The following RGMA variants were observed in gnomAD, a reference collection of about 807,000 sequenced individuals.
RGMA encodes repulsive guidance molecule BMP co-receptor a.
RGMA carries 10 observed loss-of-function variants against 23.2 expected under a neutral mutation model. The ratio of observed to expected loss-of-function variants is 0.43; its 90% CI spans 0.27 to 0.73. The LOEUF is 0.73. Among genes scored for constraint, RGMA ranks in the 30% least tolerant of loss-of-function variants. RGMA has a pLI of 0.20. For synonymous variants in RGMA, 308 were observed against 279.3 expected (o/e 1.10, Z -1.03); for missense variants, 547 against 630.5 (o/e 0.87, Z 1.42).
At chr15:93,046,315 G>GCC (rs1167587612) in intron 3 of RGMA, among the ~76,000 whole-genome samples, 17 of 152,164 alleles carry the variant, frequency 1.1e-4, no homozygotes, top group African/African-American at 4.1e-4. Context: ...CAAACCAAGG[G>GCC]ATGCTGGCAA....
At chr15:93,087,474 A>AAAAC (rs1555451816) in intron 1 of RGMA, among the ~76,000 whole-genome samples, 1 of 150,320 alleles carries the variant, frequency 6.7e-6, no homozygotes, top group Non-Finnish European at 1.5e-5. Flanking sequence ...CAAAAAAAAA[A>AAAAC]AAAAAAAAAA....
intron 1 of RGMA, among the ~76,000 whole-genome samples, chr15:93,086,865 G>A (rs1895641474): frequency 6.6e-6 from 1 of 152,186 alleles, no homozygotes; most frequent in South Asian, 2.1e-4. Context: ...CTTGGAGGAG[G>A]TTTGTAAAAA....
chr15:93,063,283 T>C (rs1895030409), intron 2 of RGMA, among the ~76,000 whole-genome samples: 1 of 152,284 alleles, frequency 6.6e-6, no homozygotes, highest in Non-Finnish European at 1.5e-5. Flanking sequence ...ACATGGTATG[T>C]CCCCCGTTCA....
Position 93,052,104 on chromosome 15 carries a change from G to C in RGMA, c.534C>G (p.Phe178Leu). 6.2e-7 allele frequency: 1 copy of C among 1,613,832 alleles called. No homozygotes were observed. The highest frequency in any genetic ancestry group is 8.5e-7 in the Non-Finnish European group (1 of 1,179,844). Residue 178 changes from phenylalanine to leucine, a missense_variant, in exon 3 of 4, where the codon TTC (phenylalanine) becomes TTG (leucine). By Grantham distance (22) the Phe-to-Leu change is conservative. This residue lies in a region of RGMA where 128 missense variants were observed against 191.7 expected (regional missense o/e 0.67). Transcript: ENST00000329082. ...DPHLRTFTDR[F>L]QTCKVQGAWP... is the part of the protein sequence containing the mutation. ...AGGCGCCCTGCACCTTGCAGGTCTG[G>C]AAGCGGTCGGTGAAAGTCCTGAGGT...
At position 93,045,353 on chromosome 15, in the gene RGMA, T is replaced by C. The variant is rs757439339; in HGVS notation, c.998A>G (p.Asn333Ser). 6 of 1,611,356 alleles carry C rather than the reference T, an allele frequency of 3.7e-6. No homozygotes were observed. The East Asian group carries it at 1.3e-4, about 36-fold the overall frequency. Reference protein sequence around the residue: ...QQIDFQAFHTNAEGTGARRLA... With the variant: ...QQIDFQAFHTSAEGTGARRLA... ...CCTGCGGGCACCGGTGCCCTCAGCA[T>C]TGGTGTGGAAGGCCTGGAAGTCGAT... is the stretch of plus-strand genomic sequence containing the variant. Residue 333 changes from asparagine to serine, a missense_variant, in exon 4 of 4, where the codon AAT (asparagine) becomes AGT (serine). Coordinates refer to ENST00000329082, the MANE Select transcript of RGMA (RefSeq NM_020211.3). This position sits in a 1 kb window ranked among gnomAD's most constrained non-coding sequence, Gnocchi z 6.9.
At position 93,036,964 on chromosome 15, in the gene RGMA, C is replaced by T. The variant is rs1202262794; in HGVS notation, c.*8034G>A. 1 of 152,186 alleles carries T rather than the reference C, an allele frequency of 6.6e-6. No homozygotes were observed. Among genetic ancestry groups the T allele is most frequent in the Non-Finnish European group, 1.5e-5 (1 of 68,050 alleles). 9.4% of individuals were successfully genotyped at this position (152,186 alleles called of 1,614,324 possible). On this transcript the variant is annotated 3_prime_UTR_variant, in exon 4 of 4. Coordinates refer to ENST00000329082, the MANE Select transcript of RGMA (RefSeq NM_020211.3). ...TTCCCAAGGAGGTAGACGTGGTGTCCAGAGGACGACAAAGATGGCAGCTCA... is the reference window on the plus strand; with the variant it reads ...TTCCCAAGGAGGTAGACGTGGTGTCTAGAGGACGACAAAGATGGCAGCTCA...
intron 2 of RGMA, among the ~76,000 whole-genome samples, chr15:93,060,573 G>A (rs549634881): frequency 1.1e-4 from 17 of 152,326 alleles, no homozygotes; most frequent in Non-Finnish European, 1.9e-4. Context: ...CTCAGCTTGG[G>A]ACCCCTGGCA....
chr15:93,054,136 A>G (rs1406434256), intron 2 of RGMA, among the ~76,000 whole-genome samples: 1 of 151,276 alleles, frequency 6.6e-6, no homozygotes, highest in African/African-American at 2.4e-5. Context: ...AGGCTGTGGC[A>G]CGAGAACTGC....
rs971880458 is a variant in RGMA at position 93,037,119 on chromosome 15, G to T, written c.*7879C>A. Reference sequence around the variant, plus strand: ...TAACGGGAGGGCTGAAGAGAACAGCGGCCAGTTACTAAGAGCACACGGTGG... The same window carrying T: ...TAACGGGAGGGCTGAAGAGAACAGCTGCCAGTTACTAAGAGCACACGGTGG... On this transcript the variant is annotated 3_prime_UTR_variant, in exon 4 of 4. Coordinates refer to ENST00000329082, the MANE Select transcript of RGMA (RefSeq NM_020211.3). This position sits in a 1 kb window ranked among gnomAD's most constrained non-coding sequence, Gnocchi z 4.3. The T allele has an allele frequency of 6.6e-6, 1 of 152,194 alleles. No homozygotes were observed. The highest frequency in any genetic ancestry group is 6.5e-5 in the Admixed American group (1 of 15,286). The allele number at this position is 152,194 out of a possible 1,614,324, so 9.4% of individuals were successfully genotyped here. A position where few individuals can be genotyped will look rare whatever the true frequency, so the allele number is the denominator to read the frequency against.
Position 93,072,938 on chromosome 15 carries a change from G to A in RGMA, c.108C>T (p.Phe36=). The A allele has an allele frequency of 6.2e-7, 1 of 1,608,350 alleles. No individual in the cohort carries two copies. The highest frequency in any genetic ancestry group is 1.3e-5 in the African/African-American group (1 of 74,390). The change falls in exon 2 of 4, where the codon TTC becomes TTT. Residue 36 remains phenylalanine, a synonymous_variant. Coordinates refer to ENST00000329082, the MANE Select transcript of RGMA (RefSeq NM_020211.3). ...SALGFWPTLA[F]LLCSFPAATS... ...TACCTGCGGGGAAGCTGCAGAGAAGGAAGGCGAGGGTCGGCCAGAATCCCA... is the reference window on the plus strand; with the variant it reads ...TACCTGCGGGGAAGCTGCAGAGAAGAAAGGCGAGGGTCGGCCAGAATCCCA...
chr15:93,084,306 C>T (rs1218620027), intron 1 of RGMA, among the ~76,000 whole-genome samples: 1 of 152,178 alleles, frequency 6.6e-6, no homozygotes, highest in Non-Finnish European at 1.5e-5. Context: ...TTTGAGCAAG[C>T]CTCTTTTGGA....
chr15:93,072,776 CA>C (rs1567193460), intron 2 of RGMA, 139 bp downstream of exon 2: 1 of 986,110 alleles, frequency 1.0e-6, no homozygotes, highest in African/African-American at 1.7e-5. Flanking sequence ...GCGGGAGAAA[CA>C]AAAGACCCGT....
At position 93,036,036 on chromosome 15, in the gene RGMA, A is replaced by G. The variant is rs977486669; in HGVS notation, c.*8962T>C. ...TCACCGTGAAGGGCCCCCTCCCCACACTGCACGTGTAACTCGTGTTGTTAC... is the reference window on the plus strand; with the variant it reads ...TCACCGTGAAGGGCCCCCTCCCCACGCTGCACGTGTAACTCGTGTTGTTAC... On this transcript the variant is annotated 3_prime_UTR_variant, in exon 4 of 4. Coordinates refer to ENST00000329082, the MANE Select transcript of RGMA (RefSeq NM_020211.3). The G allele has an allele frequency of 6.6e-6, 1 of 152,144 alleles. No individual in the cohort carries two copies. Among genetic ancestry groups the G allele is most frequent in the Non-Finnish European group, 1.5e-5 (1 of 68,034 alleles). 9.4% of individuals were successfully genotyped at this position (152,144 alleles called of 1,614,324 possible). A position where few individuals can be genotyped will look rare whatever the true frequency, so the allele number is the denominator to read the frequency against.
intron 2 of RGMA, among the ~76,000 whole-genome samples, chr15:93,061,415 G>T (rs1186808801): frequency 6.6e-6 from 1 of 152,228 alleles, no homozygotes; most frequent in Non-Finnish European, 1.5e-5. Flanking sequence ...CTCCCAAAGT[G>T]CTGGGATTAC....
rs1351057318 is a variant in RGMA at position 93,081,329 on chromosome 15, TC to T, written c.14+7589del. 3.3e-5 allele frequency among the ~76,000 whole-genome samples: 5 copies of T among 152,280 alleles called. No individual in the cohort carries two copies. In the South Asian group the frequency reaches 1.0e-3, roughly 32 times the overall value. ...GGCCTCATCTGTAACACTTCTGCAGTCCCCAAGTTAAAATGTGGCCAAGCAC... is the reference window on the plus strand; with the variant it reads ...GGCCTCATCTGTAACACTTCTGCAGTCCCAAGTTAAAATGTGGCCAAGCAC... On this transcript the variant is annotated intron_variant, in intron 1 of 3. Transcript: ENST00000329082.
intron 2 of RGMA, among the ~76,000 whole-genome samples, chr15:93,054,454 C>A (rs939030100): frequency 6.6e-6 from 1 of 151,490 alleles, no homozygotes; most frequent in African/African-American, 2.4e-5. Flanking sequence ...ATCAGGAGGT[C>A]ATTTCCCCCA....
intron 1 of RGMA, among the ~76,000 whole-genome samples, chr15:93,084,946 G>C (rs1895614470): frequency 6.6e-6 from 1 of 152,174 alleles, no homozygotes; most frequent in Non-Finnish European, 1.5e-5. Context: ...GTAGGTATAT[G>C]TACGTTGCAT....
At chr15:93,048,360 G>C (rs752572609) in intron 3 of RGMA, among the ~76,000 whole-genome samples, 17 of 152,150 alleles carry the variant, frequency 1.1e-4, no homozygotes, top group Non-Finnish European at 2.2e-4. Flanking sequence ...CAGGCTGCTG[G>C]AGGACTTTAC....
At chr15:93,084,860 G>A (rs1348887639) in intron 1 of RGMA, among the ~76,000 whole-genome samples, 1 of 152,150 alleles carries the variant, frequency 6.6e-6, no homozygotes, top group Non-Finnish European at 1.5e-5. Context: ...TCTAATAGGG[G>A]AGTGAATCCT....
Sources: allele counts gnomAD v4.1 joint callset (sites outside exome capture counted in the v4.1 genomes callset), GRCh38; gene constraint gnomAD v4.1.1; regional missense constraint gnomAD v4.1.1; non-coding constraint Gnocchi (gnomAD v3.1); transcripts MANE v1.5; gene names NCBI Gene and HGNC (gene_info 2026-07-23, HGNC 2026-07-21).